Variants in IFT74 observed in about 807,000 individuals in gnomAD.
IFT74 encodes the protein intraflagellar transport 74.
A neutral mutation model predicts 96.7 loss-of-function variants in IFT74; 92 were observed. That is an observed-to-expected ratio of 0.95 (90% confidence interval 0.80 to 1.13). The LOEUF is 1.13. IFT74 is among the 50% of genes most tolerant of loss of function. The pLI is 0.00. For missense variants in IFT74, 811 were observed against 698.2 expected (o/e 1.16, Z -1.82); for synonymous variants, 223 against 213.2 (o/e 1.05, Z -0.40).
chr9:27,041,035 T>TA (rs1378170969), intron 13 of IFT74, among the ~76,000 whole-genome samples: 1 of 152,142 alleles, frequency 6.6e-6, no homozygotes, highest in Non-Finnish European at 1.5e-5. Flanking sequence ...GCAGAGACTA[T>TA]AAAAAAGCAA....
chr9:27,048,719 G>A (rs562178048), intron 16 of IFT74, among the ~76,000 whole-genome samples: 2 of 152,326 alleles, frequency 1.3e-5, no homozygotes, highest in Non-Finnish European at 2.9e-5. Flanking sequence ...GGTTAGGCCA[G>A]CTGTGTCTGT....
chr9:26,974,106 G>A (rs766871409), intron 2 of IFT74, among the ~76,000 whole-genome samples: 84 of 152,152 alleles, frequency 5.5e-4, no homozygotes, highest in Non-Finnish European at 7.9e-4. Flanking sequence ...TCTAATTGGA[G>A]GCTTGGTTCC....
chr9:26,983,799 T>TTTTTC (rs1563949986), intron 4 of IFT74: 1 of 148,458 alleles, frequency 6.7e-6, no homozygotes. Context: ...TTTTTTTTTT[T>TTTTTC]CTGAGATGGT....
At chr9:27,045,278 A>G (rs1458857264) in intron 14 of IFT74, among the ~76,000 whole-genome samples, 1 of 152,192 alleles carries the variant, frequency 6.6e-6, no homozygotes, top group Non-Finnish European at 1.5e-5. Context: ...GATCTCAGGT[A>G]GAACAGTTTC....
In IFT74 at chr9:26,988,708, G is replaced by A; in HGVS notation, c.505G>A (p.Val169Ile). The A allele has an allele frequency of 1.3e-6, 2 of 1,541,764 alleles. No homozygotes were observed. Among genetic ancestry groups the A allele is most frequent in the Non-Finnish European group, 1.8e-6 (2 of 1,130,186 alleles). The change falls in exon 7 of 20, where the codon GTA (valine) becomes ATA (isoleucine). Residue 169 changes from valine (V) to isoleucine (I), a missense_variant. Physicochemically the swap from Val to Ile is conservative, Grantham distance 29 (BLOSUM62 3). Transcript: ENST00000380062. The stretch of plus-strand genomic sequence containing the variant: ...TAATACCAACACTGAAATGGAAGAA[G>A]TAATGAATGATTACAATATGGTAAG... ...KLNTNTEMEE[V>I]MNDYNMLKAQ...
At chr9:26,964,211 T>G (rs542514089) in intron 2 of IFT74, among the ~76,000 whole-genome samples, 430 of 142,448 alleles carry the variant, frequency 3.0e-3, no homozygotes, top group African/African-American at 0.01. Flanking sequence ...CACCATTTAT[T>G]AAATAGGGAA....
intron 8 of IFT74, chr9:26,995,657 G>A: frequency 6.2e-7 from 1 of 1,613,834 alleles, no homozygotes; most frequent in Non-Finnish European, 8.5e-7. Context: ...CTGTGAAAGA[G>A]AGCTTGGATT....
intron 8 of IFT74, among the ~76,000 whole-genome samples, chr9:26,992,976 C>G (rs1238921591): frequency 6.6e-6 from 1 of 152,148 alleles, no homozygotes; most frequent in Non-Finnish European, 1.5e-5. Context: ...AATAAACAGC[C>G]TCAATATATT....
At chr9:26,981,917 G>A (rs953980980) in intron 4 of IFT74, among the ~76,000 whole-genome samples, 3 of 151,202 alleles carry the variant, frequency 2.0e-5, no homozygotes, top group Non-Finnish European at 2.9e-5. Context: ...GCAGGTATGC[G>A]CCACCATGCC....
intron 9 of IFT74, among the ~76,000 whole-genome samples, chr9:27,011,208 T>G (rs1172060686): frequency 1.3e-5 from 2 of 152,034 alleles, no homozygotes; most frequent in Non-Finnish European, 2.9e-5. Context: ...GCCGAGATCA[T>G]GCCACTGCAC....
At chr9:26,948,307 C>T (rs1434183407) in intron 1 of IFT74, among the ~76,000 whole-genome samples, 2 of 152,034 alleles carry the variant, frequency 1.3e-5, no homozygotes, top group African/African-American at 4.8e-5. Flanking sequence ...CCAATTAGTC[C>T]TACTTAAATT....
chr9:27,048,332 C>T (rs1819782417), intron 16 of IFT74, 58 bp downstream of exon 16: 13 of 1,178,916 alleles, frequency 1.1e-5, no homozygotes, highest in Non-Finnish European at 1.4e-5. Flanking sequence ...CAATGTTATT[C>T]TCTGATTATT....
At chr9:27,005,850 C>A (rs1046878695) in intron 8 of IFT74, among the ~76,000 whole-genome samples, 1 of 146,788 alleles carries the variant, frequency 6.8e-6, no homozygotes, top group South Asian at 2.1e-4. Flanking sequence ...TCTTTTTTTT[C>A]TTTTTTTGAG....
chr9:27,040,114 A>G (rs1215167891), intron 13 of IFT74, among the ~76,000 whole-genome samples: 1 of 152,204 alleles, frequency 6.6e-6, no homozygotes, highest in Non-Finnish European at 1.5e-5. Context: ...ATAACAAAAA[A>G]TGGTTATGTA....
chr9:27,034,489 T>C (rs2131659773), intron 13 of IFT74, among the ~76,000 whole-genome samples: 1 of 152,308 alleles, frequency 6.6e-6, no homozygotes, highest in East Asian at 1.9e-4. Flanking sequence ...AAATAAACAA[T>C]GTTAAAGACA....
chr9:27,012,022 T>G (rs1425449236), intron 10 of IFT74, 54 bp downstream of exon 10: 2 of 1,107,604 alleles, frequency 1.8e-6, no homozygotes, highest in East Asian at 5.2e-5. Flanking sequence ...AAAAGTTAAT[T>G]CAGCCAAGTA....
chr9:27,043,963 G>A (rs745305808), intron 13 of IFT74, among the ~76,000 whole-genome samples: 7 of 152,078 alleles, frequency 4.6e-5, no homozygotes, highest in Non-Finnish European at 7.4e-5. Context: ...AATTGCAAAC[G>A]GATTATTTCA....
chr9:26,996,243 A>C (rs1828148934), intron 8 of IFT74: 5 of 913,606 alleles, frequency 5.5e-6, no homozygotes, highest in Non-Finnish European at 7.7e-6. Context: ...TTTAAAATAA[A>C]GATAACTACC....
At chr9:27,013,804 GTAT>G (rs1418101304) in intron 10 of IFT74, among the ~76,000 whole-genome samples, 1 of 152,176 alleles carries the variant, frequency 6.6e-6, no homozygotes, top group African/African-American at 2.4e-5. Context: ...CATGATGACA[GTAT>G]TAGGAACTGT....
Sources: gnomAD v4.1 joint callset for allele counts (sites outside exome capture counted in the v4.1 genomes callset) on GRCh38, gnomAD v4.1.1 for gene constraint, MANE v1.5 for transcripts, NCBI Gene and HGNC (gene_info 2026-07-23, HGNC 2026-07-21) for gene names.